Variants in FTO observed in about 807,000 individuals in gnomAD.
The protein encoded by FTO is alpha-ketoglutarate-dependent dioxygenase FTO.
FTO carries 47 observed loss-of-function variants against 63.9 expected under a neutral mutation model. The observed-to-expected ratio is 0.74, with a 90% CI of 0.58 to 0.94. The LOEUF is 0.94. Ranked by LOEUF, FTO falls within the 40% of genes least tolerant of loss-of-function variation. The pLI is 0.00. For missense variants in FTO, 562 were observed against 618.1 expected, an observed-to-expected ratio of 0.91 and a Z score of 0.96; for synonymous variants, 207 against 224.4, an observed-to-expected ratio of 0.92 and a Z score of 0.69.
At chr16:53,883,152 A>G (rs2080885978) in intron 6 of FTO, among the ~76,000 whole-genome samples, 1 of 152,188 alleles carries the variant, frequency 6.6e-6, no homozygotes, top group Admixed American at 6.5e-5. Context: ...AAAAAATCTC[A>G]CAATTTTCAG....
chr16:53,918,962 A>T (rs186672613), intron 7 of FTO, among the ~76,000 whole-genome samples: 5 of 152,342 alleles, frequency 3.3e-5, no homozygotes, highest in Admixed American at 2.0e-4. Context: ...AAATGTGATT[A>T]ATACTTGCTC....
At chr16:54,097,546 G>T (rs2086544924) in intron 8 of FTO, among the ~76,000 whole-genome samples, 1 of 152,114 alleles carries the variant, frequency 6.6e-6, no homozygotes, top group South Asian at 2.1e-4. Context: ...AACTTGCTGT[G>T]TAGCAGGGAA....
chr16:54,108,118 C>T (rs1222885910), intron 8 of FTO, among the ~76,000 whole-genome samples: 5 of 152,152 alleles, frequency 3.3e-5, no homozygotes, highest in East Asian at 1.9e-4. Context: ...GTTGGTGGAA[C>T]GGTGGGAGTA....
intron 1 of FTO, among the ~76,000 whole-genome samples, chr16:53,713,703 T>C (rs1194471375): frequency 6.6e-6 from 1 of 152,172 alleles, no homozygotes; most frequent in African/African-American, 2.4e-5. Flanking sequence ...TGCCATGGTT[T>C]GCATTTAAAA....
At chr16:53,926,308 T>C (rs915579569) in intron 7 of FTO, among the ~76,000 whole-genome samples, 24 of 152,252 alleles carry the variant, frequency 1.6e-4, no homozygotes, top group African/African-American at 5.5e-4. Flanking sequence ...AAATCACAGA[T>C]GGTTTCACAT....
At chr16:53,955,886 G>T (rs1393915559) in intron 8 of FTO, among the ~76,000 whole-genome samples, 1 of 152,142 alleles carries the variant, frequency 6.6e-6, no homozygotes, top group Non-Finnish European at 1.5e-5. Flanking sequence ...GCTCATGATT[G>T]TAATCCCAGG....
chr16:53,767,176 C>G (rs988463793), intron 1 of FTO, among the ~76,000 whole-genome samples: 1 of 152,100 alleles, frequency 6.6e-6, no homozygotes, highest in Admixed American at 6.6e-5. Flanking sequence ...AATCCTTAGC[C>G]CTGTTTAGTC....
chr16:53,988,454 T>A (rs1455711142), intron 8 of FTO, among the ~76,000 whole-genome samples: 1 of 152,182 alleles, frequency 6.6e-6, no homozygotes, highest in East Asian at 1.9e-4. Context: ...GTTTTTTTAA[T>A]CTGTAAGAGG....
chr16:53,824,951 A>T lies in FTO; in HGVS notation c.124-913A>T, dbSNP rs181265665. On this transcript the variant is annotated intron_variant, in intron 2 of 8. Transcript: ENST00000471389. ...TAGCCGAAAAGCTAATGCAGCCCTA[A>T]CCTACATTAATCATTCCATGTATTT... Among the ~76,000 whole-genome samples, 4 of 152,328 alleles carry T rather than the reference A, an allele frequency of 2.6e-5. No individual in the cohort carries two copies. In the East Asian group the frequency reaches 7.7e-4, roughly 29 times the overall value.
intron 8 of FTO, chr16:54,070,207 A>AT (rs1296559131): frequency 7.9e-5 from 12 of 152,112 alleles, no homozygotes; most frequent in African/African-American, 2.9e-4. Flanking sequence ...CAGAATGGTC[A>AT]TTTTTTTCTC....
rs188428340 is a variant in FTO at position 53,897,186 on chromosome 16, T to C, written c.1239+8235T>C. Among the ~76,000 whole-genome samples, 5 of 152,314 alleles carry C rather than the reference T, an allele frequency of 3.3e-5. No homozygotes were observed. In the East Asian group the frequency reaches 7.7e-4, roughly 23 times the overall value. On this transcript the variant is annotated intron_variant, in intron 7 of 8. Coordinates refer to ENST00000471389, the MANE Select transcript of FTO (RefSeq NM_001080432.3). ...GTTTTCCCTAACAAGTTAAATGTGA[T>C]TGACATTTTTTTTTGCATTTTCTTT... is the stretch of plus-strand genomic sequence containing the variant.
chr16:53,713,696 C>T (rs964314146), intron 1 of FTO, among the ~76,000 whole-genome samples: 6 of 152,044 alleles, frequency 3.9e-5, no homozygotes, highest in Non-Finnish European at 8.8e-5. Context: ...GAATTGGTGC[C>T]ATGGTTTGCA....
rs1230113405 is a variant in FTO at position 53,717,521 on chromosome 16, G to T, written c.45+13292G>T. Among the ~76,000 whole-genome samples, 10 of 152,006 alleles carry T rather than the reference G, an allele frequency of 6.6e-5. No homozygotes were observed. The East Asian group carries it at 1.9e-3, about 29-fold the overall frequency. ...GAAAAATATTTTGTAGATTAGGGAT[G>T]TTATTTACTAATCATGTGATAGAAA... On this transcript the variant is annotated intron_variant, in intron 1 of 8. Coordinates refer to ENST00000471389, the MANE Select transcript of FTO (RefSeq NM_001080432.3).
chr16:53,719,293 G>A (rs531210279), intron 1 of FTO, among the ~76,000 whole-genome samples: 1 of 134,560 alleles, frequency 7.4e-6, no homozygotes, highest in Non-Finnish European at 1.5e-5. Flanking sequence ...GTCTTGCTGT[G>A]TCACCCAGGC....
chr16:53,922,833 T>A (rs1305247577), intron 7 of FTO, among the ~76,000 whole-genome samples: 1 of 152,098 alleles, frequency 6.6e-6, no homozygotes, highest in Non-Finnish European at 1.5e-5. Context: ...TTTCACAGAG[T>A]TGGGGAGGAA....
At chr16:53,916,214 A>G (rs934921625) in intron 7 of FTO, among the ~76,000 whole-genome samples, 7 of 152,186 alleles carry the variant, frequency 4.6e-5, no homozygotes, top group Non-Finnish European at 7.4e-5. Context: ...TCTGGACCTC[A>G]GAGTGCCCTA....
At chr16:53,887,108 G>A (rs1027197783) in intron 6 of FTO, 2 of 152,172 alleles carry the variant, frequency 1.3e-5, no homozygotes, top group Non-Finnish European at 2.9e-5. Context: ...TTAGTTGCAA[G>A]GGGCAAAACG....
chr16:54,012,297 CA>C (rs1167331429), intron 8 of FTO, among the ~76,000 whole-genome samples: 1 of 152,304 alleles, frequency 6.6e-6, no homozygotes, highest in African/African-American at 2.4e-5. Flanking sequence ...TAATCCAGAG[CA>C]AAGCCCTAAA....
intron 2 of FTO, among the ~76,000 whole-genome samples, chr16:53,824,702 A>G (rs1206579288): frequency 6.6e-6 from 1 of 152,230 alleles, no homozygotes; most frequent in Non-Finnish European, 1.5e-5. Flanking sequence ...AAGGTATCTT[A>G]ACAATGGTGG....
Sources: gnomAD v4.1 joint callset for allele counts (sites outside exome capture counted in the v4.1 genomes callset) on GRCh38, gnomAD v4.1.1 for gene constraint, MANE v1.5 for transcripts, NCBI Gene and HGNC (gene_info 2026-07-23, HGNC 2026-07-21) for gene names.